Variants in CADM2 observed in about 807,000 individuals in gnomAD.
CADM2 encodes the protein cell adhesion molecule 2, also known as immunoglobulin superfamily member 4D.
A neutral mutation model predicts 49.8 loss-of-function variants in CADM2; 12 were observed. The ratio of observed to expected loss-of-function variants is 0.24; its 90% confidence interval spans 0.15 to 0.39. The LOEUF is 0.39. CADM2 is among the 10% of genes least tolerant of loss of function. The pLI, the probability that CADM2 is intolerant of heterozygous loss-of-function variation, is 1.00. For synonymous variants in CADM2, 214 were observed against 175.4 expected, an observed-to-expected ratio of 1.22 and a Z score of -1.74; for missense variants, 378 against 492.3, an observed-to-expected ratio of 0.77 and a Z score of 2.20.
At chr3:85,037,782 A>G (rs2035279452) in intron 1 of CADM2, among the ~76,000 whole-genome samples, 1 of 152,224 alleles carries the variant, frequency 6.6e-6, no homozygotes, top group Admixed American at 6.5e-5. Flanking sequence ...CAGTCTCTGC[A>G]TATAAGAATG....
At chr3:85,113,954 C>G (rs1221649192) in intron 1 of CADM2, among the ~76,000 whole-genome samples, 1 of 151,984 alleles carries the variant, frequency 6.6e-6, no homozygotes, top group Non-Finnish European at 1.5e-5. Context: ...GAGCAATTTC[C>G]CCTCCACTAT....
intron 1 of CADM2, among the ~76,000 whole-genome samples, chr3:85,705,549 A>T (rs557387384): frequency 6.6e-6 from 1 of 152,336 alleles, no homozygotes; most frequent in Admixed American, 6.5e-5. Flanking sequence ...TCTGTTGAGA[A>T]TGTATTCCTG....
In CADM2 at chr3:85,920,357, A is replaced by T. The variant is rs145686650; in HGVS notation, c.700+7814A>T. Among the ~76,000 whole-genome samples, 25 of 151,940 alleles carry T rather than the reference A, an allele frequency of 1.6e-4. No individual in the cohort carries two copies. The East Asian group carries it at 4.6e-3, about 28-fold the overall frequency. On this transcript the variant is annotated intron_variant, in intron 6 of 9. Transcript: ENST00000383699. ...TTGGGTTACATTTTTTTAGAACTAA[A>T]CTGTTCTTTTGACAAACAAAATGCC...
At chr3:85,979,421 T>C (rs1727203763) in intron 8 of CADM2, 1 of 936,618 alleles carries the variant, frequency 1.1e-6, no homozygotes, top group African/African-American at 1.7e-5. Flanking sequence ...TTGCTATCAA[T>C]TAGGGTTATT....
chr3:85,505,036 C>T lies in CADM2; in HGVS notation c.62-221486C>T, dbSNP rs1170280241. ...TGGCCCGGAAGCGCCGCGCGCAGCC[C>T]CGGTTCCCGCTGGCGCCTCTCCCTC... On this transcript the variant is annotated intron_variant, in intron 1 of 9. Coordinates refer to ENST00000383699, the MANE Select transcript of CADM2 (RefSeq NM_001167675.2). 5.3e-5 allele frequency among the ~76,000 whole-genome samples: 8 copies of T among 152,272 alleles called. No homozygotes were observed. The East Asian group carries it at 1.6e-3, about 30-fold the overall frequency.
chr3:85,998,249 T>A (rs774715225), intron 8 of CADM2, among the ~76,000 whole-genome samples: 8 of 152,188 alleles, frequency 5.3e-5, no homozygotes, highest in Non-Finnish European at 1.0e-4. Flanking sequence ...TTTCATACTG[T>A]GATATAACAA....
intron 1 of CADM2, among the ~76,000 whole-genome samples, chr3:85,605,187 G>C (rs993559787): frequency 1.3e-5 from 2 of 151,940 alleles, no homozygotes; most frequent in African/African-American, 2.4e-5. Flanking sequence ...AAATTAAAGA[G>C]CTCTCAGCAT....
chr3:85,299,348 C>CT (rs1353058705), intron 1 of CADM2, among the ~76,000 whole-genome samples: 5 of 152,020 alleles, frequency 3.3e-5, no homozygotes, highest in Admixed American at 2.0e-4. Context: ...GTATTTCGGG[C>CT]TTTTTATCGT....
chr3:85,734,228 T>C (rs1157645749), intron 2 of CADM2, among the ~76,000 whole-genome samples: 1 of 152,140 alleles, frequency 6.6e-6, no homozygotes, highest in African/African-American at 2.4e-5. Context: ...CTAGGGTCTG[T>C]TCAATTATTG....
chr3:85,355,363 C>G (rs1299635799), intron 1 of CADM2, among the ~76,000 whole-genome samples: 1 of 152,060 alleles, frequency 6.6e-6, no homozygotes, highest in Admixed American at 6.6e-5. Context: ...AGCACCTATC[C>G]CATCACGGCC....
chr3:85,072,329 T>G (rs1319582495), intron 1 of CADM2, among the ~76,000 whole-genome samples: 1 of 152,064 alleles, frequency 6.6e-6, no homozygotes, highest in African/African-American at 2.4e-5. Context: ...TTATTAAATA[T>G]TCTCTGATGA....
chr3:85,234,822 C>T (rs931580384), intron 1 of CADM2, among the ~76,000 whole-genome samples: 1 of 151,980 alleles, frequency 6.6e-6, no homozygotes, highest in Non-Finnish European at 1.5e-5. Flanking sequence ...ATGTTAACAC[C>T]CTGTTAACTC....
chr3:85,765,316 C>A (rs1031886157), intron 2 of CADM2, among the ~76,000 whole-genome samples: 1 of 152,040 alleles, frequency 6.6e-6, no homozygotes, highest in Non-Finnish European at 1.5e-5. Context: ...TTAAACCTTT[C>A]GAACTCCTGC....
chr3:85,371,661 A>ATGTGTGTGTGTGTG (rs760996256), intron 1 of CADM2, among the ~76,000 whole-genome samples: 19 of 53,474 alleles, frequency 3.6e-4, no homozygotes, highest in African/African-American at 1.2e-3. Context: ...ATATATATAT[A>ATGTGTGTGTGTGTG]TGTGTGTGTG....
At chr3:85,872,138 G>A (rs918592608) in intron 3 of CADM2, among the ~76,000 whole-genome samples, 36 of 152,174 alleles carry the variant, frequency 2.4e-4, no homozygotes, top group African/African-American at 4.6e-4. Flanking sequence ...GCCAAGTCAA[G>A]CTCAAAGCCT....
intron 1 of CADM2, among the ~76,000 whole-genome samples, chr3:85,179,973 T>C (rs956771607): frequency 1.3e-5 from 2 of 152,086 alleles, no homozygotes; most frequent in Non-Finnish European, 2.9e-5. Flanking sequence ...ATAAAAATGC[T>C]ACAGGCACTG....
intron 2 of CADM2, among the ~76,000 whole-genome samples, chr3:85,756,158 C>T (rs1258810212): frequency 7.8e-6 from 1 of 128,910 alleles, no homozygotes; most frequent in Non-Finnish European, 1.9e-5. Flanking sequence ...AGGACAAAGA[C>T]CAATTTTTTT....
chr3:85,048,634 T>A (rs1034765194), intron 1 of CADM2, among the ~76,000 whole-genome samples: 4 of 152,126 alleles, frequency 2.6e-5, no homozygotes, highest in African/African-American at 9.7e-5. Context: ...ATTATCAAGA[T>A]ATACTTAGGA....
intron 1 of CADM2, among the ~76,000 whole-genome samples, chr3:85,717,499 A>G (rs1559611198): frequency 6.6e-6 from 1 of 152,106 alleles, no homozygotes; most frequent in Non-Finnish European, 1.5e-5. Flanking sequence ...CTCTCCCCTG[A>G]TTGCCCTGGC....
Sources: allele counts gnomAD v4.1 joint callset (sites outside exome capture counted in the v4.1 genomes callset), GRCh38; gene constraint gnomAD v4.1.1; transcripts MANE v1.5; gene names NCBI Gene and HGNC (gene_info 2026-07-23, HGNC 2026-07-21).